Variants in PARD3 observed in about 807,000 individuals in gnomAD.
The protein encoded by PARD3 is partitioning defective 3 homolog.
A neutral mutation model predicts 155.4 loss-of-function variants in PARD3; 75 were observed. The ratio of observed to expected loss-of-function variants is 0.48; its 90% CI spans 0.40 to 0.58. The LOEUF is 0.58. PARD3 is among the 20% of genes least tolerant of loss of function. The probability of loss-of-function intolerance (pLI) is 0.00; values close to 1 mark genes in which losing one functional copy is unlikely to be tolerated. For synonymous variants in PARD3, 576 were observed against 610.5 expected (o/e 0.94, Z 0.83); for missense variants, 1,642 against 1,721.7 (o/e 0.95, Z 0.82).
At chr10:34,795,855 T>C (rs1371015066) in intron 1 of PARD3, among the ~76,000 whole-genome samples, 3 of 149,434 alleles carry the variant, frequency 2.0e-5, no homozygotes, top group East Asian at 4.0e-4. Flanking sequence ...GATCGTGCCA[T>C]TGCACTCCAG....
intron 1 of PARD3, among the ~76,000 whole-genome samples, chr10:34,735,338 C>A (rs1293397723): frequency 6.6e-6 from 1 of 152,102 alleles, no homozygotes; most frequent in African/African-American, 2.4e-5. Context: ...AGAAAATATT[C>A]TTTTCATTAA....
chr10:34,802,881 A>T (rs1842945913), intron 1 of PARD3, among the ~76,000 whole-genome samples: 1 of 151,984 alleles, frequency 6.6e-6, no homozygotes, highest in South Asian at 2.1e-4. Context: ...ACCTTTTCAC[A>T]TTCTCTCTTT....
At chr10:34,666,785 A>C (rs1252301868) in intron 2 of PARD3, among the ~76,000 whole-genome samples, 1,064 of 98,700 alleles carry the variant, frequency 0.011, 34 homozygotes, top group African/African-American at 0.048. Context: ...CCTAAAAAAA[A>C]AAAAAAAAAA....
chr10:34,204,302 T>C (rs976621170), intron 22 of PARD3, among the ~76,000 whole-genome samples: 4 of 152,044 alleles, frequency 2.6e-5, no homozygotes, highest in African/African-American at 9.7e-5. Flanking sequence ...GTGGCTTACA[T>C]AAAGGAAAGA....
At chr10:34,534,776 C>A (rs551522173) in intron 2 of PARD3, among the ~76,000 whole-genome samples, 2 of 152,130 alleles carry the variant, frequency 1.3e-5, no homozygotes, top group East Asian at 3.9e-4. Context: ...TTTGGGAGGC[C>A]GAGGTTGGGG....
At chr10:34,233,128 C>G (rs1404151791) in intron 22 of PARD3, among the ~76,000 whole-genome samples, 8 of 147,002 alleles carry the variant, frequency 5.4e-5, no homozygotes, top group African/African-American at 2.0e-4. Context: ...GTGCCCTTGC[C>G]TCCCGTAAAC....
At chr10:34,802,578 G>C (rs554576861) in intron 1 of PARD3, among the ~76,000 whole-genome samples, 1 of 152,220 alleles carries the variant, frequency 6.6e-6, no homozygotes, top group South Asian at 2.1e-4. Flanking sequence ...TGGTCTGGGG[G>C]GCCCAAACCA....
At chr10:34,184,664 C>T (rs879523099) in intron 22 of PARD3, among the ~76,000 whole-genome samples, 3 of 151,308 alleles carry the variant, frequency 2.0e-5, no homozygotes, top group African/African-American at 7.3e-5. Context: ...AGCTCACCAA[C>T]GCCTGCACAT....
At chr10:34,611,344 C>T (rs147643355) in intron 2 of PARD3, among the ~76,000 whole-genome samples, 260 of 152,272 alleles carry the variant, frequency 1.7e-3, no homozygotes, top group African/African-American at 5.9e-3. Context: ...ATTTTAGAAA[C>T]ATTTTAGCTG....
At chr10:34,446,687 A>G (rs571948549) in intron 5 of PARD3, among the ~76,000 whole-genome samples, 2 of 152,248 alleles carry the variant, frequency 1.3e-5, no homozygotes, top group Non-Finnish European at 2.9e-5. Flanking sequence ...TGGCTGTTTT[A>G]TTATTTAAAA....
chr10:34,474,974 A>T (rs2078614818), intron 3 of PARD3, among the ~76,000 whole-genome samples: 1 of 152,194 alleles, frequency 6.6e-6, no homozygotes. Flanking sequence ...AAAGGAAAAA[A>T]ATCTATCATT....
chr10:34,420,038 G>C (rs1418919498), intron 5 of PARD3, among the ~76,000 whole-genome samples: 1 of 152,192 alleles, frequency 6.6e-6, no homozygotes, highest in Non-Finnish European at 1.5e-5. Context: ...TGCAGCGTCT[G>C]CCTTCTGGGC....
At chr10:34,547,071 C>A (rs576195239) in intron 2 of PARD3, among the ~76,000 whole-genome samples, 6 of 152,244 alleles carry the variant, frequency 3.9e-5, no homozygotes, top group African/African-American at 1.4e-4. Flanking sequence ...TTGCCTAGAC[C>A]ACAACGGCTG....
chr10:34,697,766 A>AACACGCACACACACACACACACACAC (rs377094946), intron 1 of PARD3, among the ~76,000 whole-genome samples: 1 of 146,428 alleles, frequency 6.8e-6, no homozygotes, highest in African/African-American at 2.6e-5. Context: ...TTGTAAAACA[A>AACACGCACACACACACACACACACAC]ACACTCACAC....
intron 5 of PARD3, among the ~76,000 whole-genome samples, chr10:34,445,110 C>A (rs1361838528): frequency 6.6e-6 from 1 of 151,920 alleles, no homozygotes; most frequent in Admixed American, 6.6e-5. Context: ...TGATGCAATC[C>A]TCTTTATTAT....
chr10:34,691,364 T>G (rs546469132), intron 2 of PARD3, among the ~76,000 whole-genome samples: 1 of 151,924 alleles, frequency 6.6e-6, no homozygotes, highest in African/African-American at 2.4e-5. Flanking sequence ...AAGAATAACA[T>G]GCCTAGGAAT....
intron 1 of PARD3, among the ~76,000 whole-genome samples, chr10:34,701,286 T>C (rs1431362177): frequency 6.6e-6 from 1 of 152,098 alleles, no homozygotes; most frequent in African/African-American, 2.4e-5. Flanking sequence ...GACACACTTA[T>C]TTTTATTTCC....
At chr10:34,514,670 T>C (rs1228573168) in intron 3 of PARD3, among the ~76,000 whole-genome samples, 2 of 152,176 alleles carry the variant, frequency 1.3e-5, no homozygotes, top group Non-Finnish European at 2.9e-5. Flanking sequence ...ATGCTTCAAA[T>C]GTAACTTCTT....
intron 2 of PARD3, among the ~76,000 whole-genome samples, chr10:34,690,144 A>AT: frequency 6.6e-6 from 1 of 152,268 alleles, no homozygotes; most frequent in Non-Finnish European, 1.5e-5. Flanking sequence ...GGATTTCGCC[A>AT]TGCTGGCCAG....
Sources: allele counts gnomAD v4.1 joint callset (sites outside exome capture counted in the v4.1 genomes callset), GRCh38; gene constraint gnomAD v4.1.1; transcripts MANE v1.5; gene names NCBI Gene and HGNC (gene_info 2026-07-23, HGNC 2026-07-21).